Variants in TENM2 observed in about 807,000 individuals in gnomAD.
TENM2 encodes the protein teneurin-2.
In TENM2, 52 loss-of-function variants were observed where a neutral mutation model predicts 245.2. That is an observed-to-expected ratio of 0.21 (90% CI 0.17 to 0.27). The LOEUF is 0.27. Among genes scored for constraint, TENM2 ranks in the 10% least tolerant of loss-of-function variants. The pLI is 1.00. For missense variants in TENM2, 3,046 were observed against 3,666.8 expected, an observed-to-expected ratio of 0.83 and a Z score of 4.37; for synonymous variants, 1,363 against 1,438.9, an observed-to-expected ratio of 0.95 and a Z score of 1.19.
At chr5:167,381,963 A>T (rs948365636) in intron 2 of TENM2, among the ~76,000 whole-genome samples, 1 of 152,158 alleles carries the variant, frequency 6.6e-6, no homozygotes, top group Admixed American at 6.6e-5. Flanking sequence ...TTAATTTGGA[A>T]AGTAATAAAA....
chr5:167,955,510 G>A (rs930942281), intron 4 of TENM2, among the ~76,000 whole-genome samples: 2 of 152,074 alleles, frequency 1.3e-5, no homozygotes, highest in South Asian at 2.1e-4. Flanking sequence ...CTTTGCCATT[G>A]CTTTTTGTGT....
chr5:167,361,487 A>G (rs1463199171), intron 1 of TENM2, among the ~76,000 whole-genome samples: 1 of 152,232 alleles, frequency 6.6e-6, no homozygotes, highest in African/African-American at 2.4e-5. Context: ...GTAATTTGAC[A>G]TCTATCCCTC....
rs759840569 is a variant in TENM2 at position 168,124,839 on chromosome 5, G to T, written c.2009-11G>T. The T allele has an allele frequency of 8.1e-6, 13 of 1,599,298 alleles. No individual in the cohort carries two copies. Among genetic ancestry groups the T allele is most frequent in the Middle Eastern group, 1.7e-4 (1 of 6,044 alleles). On this transcript the variant is annotated splice_polypyrimidine_tract_variant and intron_variant, in intron 10 of 28. Transcript: ENST00000518659. Reference sequence around the variant, plus strand: ...CTTTTATTCTTTGGTTTTTGTTTTTGTTTTTTTCAGTTGATTGCTTGGATC... The same window carrying T: ...CTTTTATTCTTTGGTTTTTGTTTTTTTTTTTTTCAGTTGATTGCTTGGATC...
intron 12 of TENM2, among the ~76,000 whole-genome samples, chr5:168,149,865 ACT>A (rs1305770688): frequency 6.6e-6 from 1 of 151,772 alleles, no homozygotes; most frequent in Non-Finnish European, 1.5e-5. Flanking sequence ...CACCCCAAGC[ACT>A]CTCATGCCTA....
chr5:168,084,944 A>G (rs1792316970), intron 7 of TENM2, among the ~76,000 whole-genome samples: 1 of 152,170 alleles, frequency 6.6e-6, no homozygotes, highest in Non-Finnish European at 1.5e-5. Context: ...GGGCCTTAAC[A>G]AACCAGGCCA....
chr5:168,258,996 A>G (rs1210577012), intron 27 of TENM2, among the ~76,000 whole-genome samples: 1 of 151,886 alleles, frequency 6.6e-6, no homozygotes, highest in Admixed American at 6.6e-5. Flanking sequence ...CAGCCTGGCT[A>G]ACATGGCAAA....
chr5:167,134,444 G>A, the TENM2 span, among the ~76,000 whole-genome samples: 2 of 152,152 alleles, frequency 1.3e-5, no homozygotes, highest in African/African-American at 2.4e-5. Context: ...CTAACTAGGC[G>A]ATTGTTTGTA....
At chr5:167,688,942 CA>C (rs1391104794) in intron 2 of TENM2, among the ~76,000 whole-genome samples, 3 of 151,500 alleles carry the variant, frequency 2.0e-5, no homozygotes, top group Non-Finnish European at 2.9e-5. Flanking sequence ...GCTGACAGAA[CA>C]TTTTTTTTTC....
At chr5:168,019,246 A>T (rs550473901) in intron 5 of TENM2, among the ~76,000 whole-genome samples, 1 of 152,216 alleles carries the variant, frequency 6.6e-6, no homozygotes, top group Non-Finnish European at 1.5e-5. Flanking sequence ...CAAGCCTTTC[A>T]TGCCATAAGA....
intron 2 of TENM2, among the ~76,000 whole-genome samples, chr5:167,682,121 C>G (rs1756765176): frequency 7.1e-6 from 1 of 141,496 alleles, no homozygotes; most frequent in Non-Finnish European, 1.5e-5. Flanking sequence ...TCCCTCCCTC[C>G]CTCCCTGCCT....
rs150306814 is a variant in TENM2, at chr5:167,727,415, C to T, written c.503-148571C>T. ...GCGTGAGCCACCGTGCCCGGCCATC[C>T]GTTAATTTCTTGACATTGTTTTTCA... On this transcript the variant is annotated intron_variant, in intron 2 of 28. Transcript: ENST00000518659. Among the ~76,000 whole-genome samples the T allele has an allele frequency of 8.0e-3, 1,211 of 152,276 alleles. 25 individuals carry two copies. Among genetic ancestry groups the T allele is most frequent in the African/African-American group, 0.028 (1,151 of 41,576 alleles).
At chr5:167,852,914 T>C (rs1770714439) in intron 2 of TENM2, among the ~76,000 whole-genome samples, 1 of 152,162 alleles carries the variant, frequency 6.6e-6, no homozygotes, top group South Asian at 2.1e-4. Flanking sequence ...CCTCTGTTTA[T>C]TGGTATTATG....
At chr5:168,092,896 G>T (rs58209338) in intron 8 of TENM2, among the ~76,000 whole-genome samples, 2 of 152,112 alleles carry the variant, frequency 1.3e-5, no homozygotes, top group African/African-American at 2.4e-5. Flanking sequence ...GAGCATCAAC[G>T]GTATGCTAGC....
At chr5:167,378,425 A>G (rs910955609) in intron 2 of TENM2, among the ~76,000 whole-genome samples, 28 of 141,736 alleles carry the variant, frequency 2.0e-4, no homozygotes, top group African/African-American at 7.4e-4. Context: ...GCTTCATCCT[A>G]CACTCATTGA....
At chr5:168,110,228 TG>T (rs199625889) in intron 9 of TENM2, among the ~76,000 whole-genome samples, 1,773 of 151,990 alleles carry the variant, frequency 0.012, 30 homozygotes, top group African/African-American at 0.041. Context: ...TCAGCTGGGA[TG>T]GGGGACAGGG....
intron 2 of TENM2, among the ~76,000 whole-genome samples, chr5:167,868,552 C>T (rs1175678681): frequency 2.6e-5 from 4 of 151,850 alleles, no homozygotes; most frequent in African/African-American, 9.7e-5. Flanking sequence ...CAGCCTGCAA[C>T]ATGGTGAAAC....
At chr5:167,887,856 T>G (rs535492068) in intron 3 of TENM2, among the ~76,000 whole-genome samples, 3 of 152,256 alleles carry the variant, frequency 2.0e-5, no homozygotes, top group Admixed American at 6.5e-5. Context: ...CCATGCTCCT[T>G]CCAAATGCCC....
At chr5:167,830,807 T>C (rs536305123) in intron 2 of TENM2, among the ~76,000 whole-genome samples, 1 of 152,136 alleles carries the variant, frequency 6.6e-6, no homozygotes, top group Non-Finnish European at 1.5e-5. Context: ...CCAACCTCAG[T>C]TTCTCACTCA....
chr5:167,225,331 A>G, the TENM2 span, among the ~76,000 whole-genome samples: 1 of 151,982 alleles, frequency 6.6e-6, no homozygotes, highest in African/African-American at 2.4e-5. Flanking sequence ...ATTTTGAGGT[A>G]TGTTCGTTTA....
Sources: allele counts gnomAD v4.1 joint callset (sites outside exome capture counted in the v4.1 genomes callset), GRCh38; gene constraint gnomAD v4.1.1; transcripts MANE v1.5; gene names NCBI Gene and HGNC (gene_info 2026-07-23, HGNC 2026-07-21).